Variants in DENND10 observed in about 807,000 individuals in gnomAD.
DENND10 encodes DENN domain containing 10.
A neutral mutation model predicts 43.6 loss-of-function variants in DENND10; 24 were observed. The observed-to-expected ratio is 0.55, with a 90% CI of 0.40 to 0.77. The LOEUF is 0.77. Among genes scored for constraint, DENND10 ranks in the 30% least tolerant of loss-of-function variants. The probability of loss-of-function intolerance (pLI) is 0.00; values close to 1 mark genes in which losing one functional copy is unlikely to be tolerated. For synonymous variants in DENND10, 125 were observed against 157.6 expected (o/e 0.79, Z 1.55); for missense variants, 303 against 429.9 (o/e 0.70, Z 2.61).
At chr10:119,121,445 CTTTTTTTTTT>C (rs773938225) in intron 5 of DENND10, among the ~76,000 whole-genome samples, 1 of 112,908 alleles carries the variant, frequency 8.9e-6, no homozygotes, top group Non-Finnish European at 1.8e-5. Context: ...CCATTAGGTC[CTTTTTTTTTT>C]TTTTTTTTTT....
intron 3 of DENND10, among the ~76,000 whole-genome samples, chr10:119,115,242 T>G (rs892208987): frequency 2.0e-5 from 3 of 152,038 alleles, no homozygotes; most frequent in Non-Finnish European, 2.9e-5. Flanking sequence ...CCTCCTTCTT[T>G]ATATCCTATC....
chr10:119,115,800 G>GTATTTTTCTTTT, intron 3 of DENND10, among the ~76,000 whole-genome samples: 1 of 136,770 alleles, frequency 7.3e-6, no homozygotes. Context: ...ATCTCGCTCT[G>GTATTTTTCTTTT]TTGCCCAGGC....
At chr10:119,114,446 G>C (rs1845144246) in intron 3 of DENND10, 1 of 152,250 alleles carries the variant, frequency 6.6e-6, no homozygotes, top group Admixed American at 6.5e-5. Flanking sequence ...GCCCGCAGGA[G>C]GGAACCTCAT....
chr10:119,111,823 AT>A (rs762993903), intron 2 of DENND10, 25 bp from the exon 3 acceptor site: 4 of 1,548,616 alleles, frequency 2.6e-6, no homozygotes, highest in Non-Finnish European at 3.6e-6. Context: ...TAAAAAGTGT[AT>A]TTTTTTGTTG....
chr10:119,109,439 G>T (rs757234826), intron 2 of DENND10, among the ~76,000 whole-genome samples: 44 of 152,012 alleles, frequency 2.9e-4, no homozygotes, highest in Non-Finnish European at 2.9e-4. Context: ...CCCAAACAGA[G>T]ATTTTTTCCC....
intron 3 of DENND10, among the ~76,000 whole-genome samples, chr10:119,113,137 C>T (rs1350756701): frequency 1.3e-5 from 2 of 150,908 alleles, no homozygotes; most frequent in Non-Finnish European, 1.5e-5. Flanking sequence ...AGGCGTGAGC[C>T]ACCGCACCCT....
intron 2 of DENND10, among the ~76,000 whole-genome samples, chr10:119,108,701 C>T (rs1159621317): frequency 6.6e-6 from 1 of 150,886 alleles, no homozygotes; most frequent in Non-Finnish European, 1.5e-5. Context: ...GTTGGTCAGG[C>T]TGGAGTGCAA....
intron 1 of DENND10, among the ~76,000 whole-genome samples, chr10:119,106,862 T>A (rs181943274): frequency 1.3e-5 from 2 of 151,716 alleles, no homozygotes; most frequent in African/African-American, 2.4e-5. Flanking sequence ...CTGACCAATG[T>A]GGAGAAACCA....
rs775640948 is a variant in DENND10, at chr10:119,107,936, A to C, written c.56-32A>C. The stretch of plus-strand genomic sequence containing the variant: ...CAATTCACTTCCTTGCTGCTGTTTG[A>C]CATTCTCACAGTGACCATCTTTCCA... On this transcript the variant is annotated intron_variant, in intron 1 of 8. Coordinates refer to ENST00000361432, the MANE Select transcript of DENND10 (RefSeq NM_207009.4). The C allele has an allele frequency of 3.8e-6, 6 of 1,598,752 alleles. No homozygotes were observed. The South Asian group carries it at 5.5e-5, about 15-fold the overall frequency.
intron 8 of DENND10, among the ~76,000 whole-genome samples, chr10:119,135,976 G>A (rs1371998453): frequency 3.9e-5 from 6 of 151,930 alleles, no homozygotes; most frequent in African/African-American, 7.3e-5. Flanking sequence ...AGGAGTTTGA[G>A]ACCAGCCTGG....
intron 1 of DENND10, among the ~76,000 whole-genome samples, chr10:119,105,943 C>G (rs552188533): frequency 6.6e-6 from 1 of 152,286 alleles, no homozygotes; most frequent in African/African-American, 2.4e-5. Flanking sequence ...TGCCTGTAAT[C>G]CTAGCACTTT....
intron 1 of DENND10, among the ~76,000 whole-genome samples, chr10:119,107,765 C>T (rs1844767252): frequency 6.6e-6 from 1 of 152,150 alleles, no homozygotes; most frequent in African/African-American, 2.4e-5. Flanking sequence ...AAACTTTTTA[C>T]TCAGGTGGCC....
At chr10:119,130,268 C>G (rs920584039) in intron 7 of DENND10, among the ~76,000 whole-genome samples, 2 of 152,098 alleles carry the variant, frequency 1.3e-5, no homozygotes, top group Non-Finnish European at 2.9e-5. Context: ...TCAAGTGATT[C>G]TCCTGCCTCA....
intron 6 of DENND10, 74 bp downstream of exon 6, chr10:119,123,643 CTT>C (rs1845690947): frequency 8.7e-7 from 1 of 1,155,762 alleles, no homozygotes; most frequent in Non-Finnish European, 1.2e-6. Context: ...GATTTTCACT[CTT>C]GTTGCCCAGG....
At chr10:119,108,262 A>T in intron 2 of DENND10, 98 bp downstream of exon 2, 1 of 837,112 alleles carries the variant, frequency 1.2e-6, no homozygotes. Flanking sequence ...AGGTCGGCAG[A>T]TCACAAGGTC....
At chr10:119,127,853 C>T (rs1396469643) in intron 6 of DENND10, among the ~76,000 whole-genome samples, 2 of 152,094 alleles carry the variant, frequency 1.3e-5, no homozygotes, top group African/African-American at 4.8e-5. Context: ...CAGTCTCAAA[C>T]TCCTGGCCTC....
intron 7 of DENND10, among the ~76,000 whole-genome samples, chr10:119,130,440 A>G (rs1053469917): frequency 5.9e-5 from 9 of 152,028 alleles, no homozygotes; most frequent in Non-Finnish European, 1.3e-4. Context: ...TTACTTACAT[A>G]TGTGAGCCAC....
intron 1 of DENND10, 100 bp from the exon 2 acceptor site, chr10:119,107,868 G>C: frequency 9.4e-7 from 1 of 1,060,070 alleles, no homozygotes; most frequent in African/African-American, 1.6e-5. Context: ...TTGTAAGATG[G>C]GATGTTAAAA....
intron 1 of DENND10, chr10:119,105,476 G>T: frequency 9.0e-7 from 1 of 1,108,450 alleles, no homozygotes; most frequent in Non-Finnish European, 1.2e-6. Context: ...GTGGAGATGG[G>T]ATACCGACAT....
Sources: allele counts gnomAD v4.1 joint callset (sites outside exome capture counted in the v4.1 genomes callset), GRCh38; gene constraint gnomAD v4.1.1; transcripts MANE v1.5; gene names NCBI Gene and HGNC (gene_info 2026-07-23, HGNC 2026-07-21).